The following CACNA1B variants were observed in gnomAD, a reference collection of about 807,000 sequenced individuals.
The protein encoded by CACNA1B is voltage-dependent N-type calcium channel subunit alpha-1B.
CACNA1B carries 70 observed loss-of-function variants against 247.2 expected under a neutral mutation model. That is an observed-to-expected ratio of 0.28 (90% CI 0.23 to 0.35). The LOEUF (loss-of-function observed/expected upper bound fraction) is 0.35. Among genes scored for constraint, CACNA1B ranks in the 10% least tolerant of loss-of-function variants. The pLI, the probability that CACNA1B is intolerant of heterozygous loss-of-function variation, is 1.00. For missense variants in CACNA1B, 2,367 were observed against 3,197.4 expected, an observed-to-expected ratio of 0.74 and a Z score of 6.26; for synonymous variants, 1,231 against 1,294.4, an observed-to-expected ratio of 0.95 and a Z score of 1.05.
At chr9:137,925,717 A>G (rs963901132) in intron 6 of CACNA1B, among the ~76,000 whole-genome samples, 2 of 151,252 alleles carry the variant, frequency 1.3e-5, no homozygotes, top group Non-Finnish European at 2.9e-5. Context: ...GTGCTAAAAT[A>G]CCGATAACAT....
At chr9:137,935,373 G>A (rs940499227) in intron 6 of CACNA1B, among the ~76,000 whole-genome samples, 2 of 152,038 alleles carry the variant, frequency 1.3e-5, no homozygotes, top group African/African-American at 4.8e-5. Flanking sequence ...CTGTCCTTGC[G>A]ATAGTTTGCT....
At position 137,888,456 on chromosome 9, in the gene CACNA1B, G is replaced by A. The variant is rs1181081231; in HGVS notation, c.530+5573G>A. 6.6e-6 allele frequency among the ~76,000 whole-genome samples: 1 copy of A among 152,218 alleles called. No individual in the cohort carries two copies. The highest frequency in any genetic ancestry group is 1.5e-5 in the Non-Finnish European group (1 of 68,030). ...AGGGCCCCCAGAACCCCAAAGCCCT[G>A]CGCGTCCCCACCCCTGTTGTGGCTC... On this transcript the variant is annotated intron_variant, in intron 3 of 46. Coordinates refer to ENST00000371372, the MANE Select transcript of CACNA1B (RefSeq NM_000718.4). This position sits in a 1 kb window ranked among gnomAD's most constrained non-coding sequence, Gnocchi z 4.7.
chr9:138,119,791 C>A (rs1289051047), intron 44 of CACNA1B, among the ~76,000 whole-genome samples: 3 of 152,152 alleles, frequency 2.0e-5, no homozygotes, highest in South Asian at 2.1e-4. Context: ...CCTACCCGTC[C>A]CAGGTGTCTT....
In CACNA1B at chr9:138,001,500, A is replaced by G. The variant is rs115516044; in HGVS notation, c.1975-5267A>G. On this transcript the variant is annotated intron_variant, in intron 15 of 46. Transcript: ENST00000371372. Reference sequence around the variant, plus strand: ...TTTAAAAGAGACCATAGCAAGGATCATAGATAATAGTAAAAGATTAGAAGT... The same window carrying G: ...TTTAAAAGAGACCATAGCAAGGATCGTAGATAATAGTAAAAGATTAGAAGT... 6.4e-3 allele frequency among the ~76,000 whole-genome samples: 969 copies of G among 152,298 alleles called. 10 individuals carry two copies. The highest frequency in any genetic ancestry group is 0.022 in the African/African-American group (900 of 41,570).
intron 42 of CACNA1B, among the ~76,000 whole-genome samples, chr9:138,116,047 C>G (rs1415046097): frequency 6.6e-6 from 1 of 152,256 alleles, no homozygotes; most frequent in Non-Finnish European, 1.5e-5. Context: ...GCCTTCCTAA[C>G]AGCACTTAGA....
At chr9:138,022,881 G>A in intron 18 of CACNA1B, 130 bp from the exon 19 acceptor site, 2 of 1,250,086 alleles carry the variant, frequency 1.6e-6, no homozygotes, top group Non-Finnish European at 2.1e-6. Flanking sequence ...CGAGGGGTGT[G>A]GGGGCTCCCG....
At chr9:138,082,038 A>G (rs1416470529) in intron 36 of CACNA1B, among the ~76,000 whole-genome samples, 1 of 151,296 alleles carries the variant, frequency 6.6e-6, no homozygotes, top group Non-Finnish European at 1.5e-5. Context: ...AGCTATAACT[A>G]TAAAGCTCTT....
intron 21 of CACNA1B, among the ~76,000 whole-genome samples, chr9:138,046,322 G>T (rs555035519): frequency 1.3e-5 from 2 of 152,218 alleles, no homozygotes; most frequent in African/African-American, 4.8e-5. Context: ...GTGTGTCCCC[G>T]TGCAGCGTGT....
chr9:137,919,988 G>A lies in CACNA1B; in HGVS notation c.966+2557G>A, dbSNP rs1186449108. Among the ~76,000 whole-genome samples, 1 of 152,150 alleles carries A rather than the reference G, an allele frequency of 6.6e-6. No homozygotes were observed. The highest frequency in any genetic ancestry group is 1.5e-5 in the Non-Finnish European group (1 of 68,022). ...GTAAATTCCTGTTAGGTCCAGAGAG[G>A]TGAGATCATCTCAGGACAGCACCGC... On this transcript the variant is annotated intron_variant, in intron 6 of 46. Transcript: ENST00000371372. The surrounding 1 kb of genome is among the most constrained non-coding windows in gnomAD (Gnocchi z 4.6).
chr9:138,047,264 A>G, intron 22 of CACNA1B, 135 bp from the exon 23 acceptor site: 1 of 761,384 alleles, frequency 1.3e-6, no homozygotes, highest in Non-Finnish European at 2.2e-6. Flanking sequence ...CCCCCTTCCC[A>G]GAACCGTTTT....
Position 137,912,879 on chromosome 9 carries a change from T to A in CACNA1B, c.531-301T>A, listed in dbSNP as rs534403003. On this transcript the variant is annotated intron_variant, in intron 3 of 46. Transcript: ENST00000371372. ...ATTTCCTGCCATGCCAGGGGCCAAG[T>A]GTCTATTCAGAGATGGTGCCTTTGA... Among the ~76,000 whole-genome samples, 6 of 152,234 alleles carry A rather than the reference T, an allele frequency of 3.9e-5. No homozygotes were observed. The East Asian group carries it at 1.2e-3, about 29-fold the overall frequency.
intron 3 of CACNA1B, among the ~76,000 whole-genome samples, chr9:137,893,959 ACTCAT>A (rs1957140546): frequency 6.6e-6 from 1 of 152,064 alleles, no homozygotes; most frequent in Non-Finnish European, 1.5e-5. Context: ...GCTGGCAACC[ACTCAT>A]CTGTGCATTT....
intron 10 of CACNA1B, among the ~76,000 whole-genome samples, chr9:137,969,230 C>T: frequency 6.6e-6 from 1 of 152,238 alleles, no homozygotes; most frequent in East Asian, 1.9e-4. Flanking sequence ...TGCTCAGTCC[C>T]CTGGCTCTGG....
Position 137,986,405 on chromosome 9 carries a change from C to T in CACNA1B, c.1770-8C>T, listed in dbSNP as rs1419491724. On this transcript the variant is annotated splice_region_variant and splice_polypyrimidine_tract_variant and intron_variant, in intron 13 of 46. Transcript: ENST00000371372. The surrounding 1 kb of genome is among the most constrained non-coding windows in gnomAD (Gnocchi z 6.0). ...GAGCTGGCTCAGACCCCCTGCCTGG[C>T]CCCGCAGGTACTGGAGCTCCCTGCG... 1 of 1,613,428 alleles carries T rather than the reference C, an allele frequency of 6.2e-7. No homozygotes were observed. Among genetic ancestry groups the T allele is most frequent in the Non-Finnish European group, 8.5e-7 (1 of 1,179,642 alleles).
intron 38 of CACNA1B, 127 bp from the exon 39 acceptor site, chr9:138,105,572 C>A (rs1961394377): frequency 1.6e-6 from 1 of 636,834 alleles, no homozygotes; most frequent in South Asian, 1.8e-5. Flanking sequence ...CTCACTCAGG[C>A]CTAGGCACCT....
At chr9:138,113,423 C>CA (rs1961731873) in intron 40 of CACNA1B, among the ~76,000 whole-genome samples, 1 of 150,474 alleles carries the variant, frequency 6.6e-6, no homozygotes, top group African/African-American at 2.5e-5. Context: ...TGAGGGAACA[C>CA]AATGAGGTGC....
In CACNA1B at chr9:137,914,262, T is replaced by A. The variant is rs1007772569; in HGVS notation, c.623-392T>A. Among the ~76,000 whole-genome samples the A allele has an allele frequency of 2.0e-5, 3 of 152,122 alleles. No homozygotes were observed. The highest frequency in any genetic ancestry group is 4.4e-5 in the Non-Finnish European group (3 of 68,020). On this transcript the variant is annotated intron_variant, in intron 4 of 46. Transcript: ENST00000371372. The surrounding 1 kb of genome is among the most constrained non-coding windows in gnomAD (Gnocchi z 4.3). ...AATTCCCTGTTCTTTCCTCTCAGGA[T>A]GTCCTCTGACTTGGCTCTTCCTTCT...
intron 21 of CACNA1B, 45 bp downstream of exon 21, chr9:138,043,945 A>G (rs753698662): frequency 1.5e-5 from 24 of 1,601,002 alleles, no homozygotes; most frequent in African/African-American, 1.3e-4. Flanking sequence ...CCACTCACCC[A>G]TGCATCATGA....
At chr9:138,008,771 A>G (rs1056091043) in intron 16 of CACNA1B, among the ~76,000 whole-genome samples, 1 of 152,174 alleles carries the variant, frequency 6.6e-6, no homozygotes, top group Non-Finnish European at 1.5e-5. Flanking sequence ...TCCTCTCCCT[A>G]CAGATGCTGT....
Sources: gnomAD v4.1 joint callset for allele counts (sites outside exome capture counted in the v4.1 genomes callset) on GRCh38, gnomAD v4.1.1 for gene constraint, Gnocchi (gnomAD v3.1) non-coding constraint, MANE v1.5 for transcripts, NCBI Gene and HGNC (gene_info 2026-07-23, HGNC 2026-07-21) for gene names.